The following MCU variants were observed in gnomAD, a reference collection of about 807,000 sequenced individuals.
MCU encodes the protein calcium uniporter protein, mitochondrial.
Under a neutral mutation model 45.2 loss-of-function variants are expected in MCU, and 12 were observed. That is an observed-to-expected ratio of 0.27 (90% CI 0.17 to 0.43). The LOEUF is 0.43. Ranked by LOEUF, MCU falls within the 20% of genes least tolerant of loss-of-function variation. The pLI, the probability that MCU is intolerant of heterozygous loss-of-function variation, is 1.00. For missense variants in MCU, 324 were observed against 436.7 expected (o/e 0.74, Z 2.30); for synonymous variants, 160 against 165.1 (o/e 0.97, Z 0.24).
rs1400236438 is a variant in MCU at position 72,870,627 on chromosome 10, A to G, written c.658-750A>G. 2.0e-5 allele frequency among the ~76,000 whole-genome samples: 3 copies of G among 152,274 alleles called. No homozygotes were observed. In the South Asian group the frequency reaches 6.2e-4, roughly 32 times the overall value. On this transcript the variant is annotated intron_variant, in intron 5 of 7. Coordinates refer to ENST00000373053, the MANE Select transcript of MCU (RefSeq NM_138357.3). Reference sequence around the variant, plus strand: ...AATCTTTGGAACAACTCTTTAATGAAGTTAATGGTGATTTGCAGATCATCG... The same window carrying G: ...AATCTTTGGAACAACTCTTTAATGAGGTTAATGGTGATTTGCAGATCATCG...
At chr10:72,831,512 G>GTT (rs1844878855) in intron 1 of MCU, among the ~76,000 whole-genome samples, 1 of 151,960 alleles carries the variant, frequency 6.6e-6, no homozygotes, top group Non-Finnish European at 1.5e-5. Context: ...GTTTTGTTTT[G>GTT]TTTTGTTTTT....
chr10:72,774,166 A>G (rs1419967441), intron 1 of MCU, among the ~76,000 whole-genome samples: 1 of 152,210 alleles, frequency 6.6e-6, no homozygotes, highest in African/African-American at 2.4e-5. Flanking sequence ...GAAGCCCAAA[A>G]TCACATCTAT....
chr10:72,765,786 CAAAAAAAA>C (rs36071651), intron 1 of MCU, among the ~76,000 whole-genome samples: 1 of 63,222 alleles, frequency 1.6e-5, no homozygotes, highest in African/African-American at 4.8e-5. Flanking sequence ...GACGCTGTCT[CAAAAAAAA>C]AAAAAAAAAA....
At chr10:72,721,881 C>T (rs1044913081) in intron 1 of MCU, among the ~76,000 whole-genome samples, 35 of 152,128 alleles carry the variant, frequency 2.3e-4, no homozygotes, top group Admixed American at 1.8e-3. Flanking sequence ...TTGTTTGAAA[C>T]GAAAATATCT....
chr10:72,750,122 A>G (rs908950957), intron 1 of MCU, among the ~76,000 whole-genome samples: 9 of 152,068 alleles, frequency 5.9e-5, no homozygotes, highest in Non-Finnish European at 1.3e-4. Context: ...GGTAGGCTGT[A>G]GGAAGTGAAG....
chr10:72,772,586 A>G (rs1312519730), intron 1 of MCU, among the ~76,000 whole-genome samples: 1 of 152,158 alleles, frequency 6.6e-6, no homozygotes, highest in Non-Finnish European at 1.5e-5. Context: ...AATCCCAGCT[A>G]CTCAGGAGCC....
chr10:72,844,987 A>G (rs1208820494), intron 2 of MCU, among the ~76,000 whole-genome samples: 1 of 152,206 alleles, frequency 6.6e-6, no homozygotes, highest in Non-Finnish European at 1.5e-5. Context: ...GTAAAGCTAT[A>G]TAAAAAACTA....
At chr10:72,713,947 T>TTGTGTGTGTGTGTGTGTG (rs72292523) in intron 1 of MCU, among the ~76,000 whole-genome samples, 3 of 139,016 alleles carry the variant, frequency 2.2e-5, no homozygotes, top group African/African-American at 8.2e-5. Flanking sequence ...CTTTCATCAT[T>TTGTGTGTGTGTGTGTGTG]TGTGTGTGTG....
intron 1 of MCU, among the ~76,000 whole-genome samples, chr10:72,775,311 A>T (rs919293503): frequency 6.6e-6 from 1 of 152,198 alleles, no homozygotes; most frequent in Non-Finnish European, 1.5e-5. Flanking sequence ...CCAATGAAAA[A>T]ATTAGGAAAA....
chr10:72,871,655 A>C, intron 6 of MCU, 75 bp downstream of exon 6: 3 of 1,318,284 alleles, frequency 2.3e-6, no homozygotes, highest in Non-Finnish European at 3.2e-6. Flanking sequence ...CTTTTTTCTC[A>C]TCTTCTAAAG....
chr10:72,836,063 C>T (rs7918183), intron 2 of MCU, among the ~76,000 whole-genome samples: 2,167 of 152,122 alleles, frequency 0.014, 19 homozygotes, highest in Middle Eastern at 0.034. Context: ...CAGCACCACT[C>T]CCAGGTTCTG....
chr10:72,695,968 C>A (rs1842681289), intron 1 of MCU, among the ~76,000 whole-genome samples: 1 of 151,000 alleles, frequency 6.6e-6, no homozygotes, highest in Non-Finnish European at 1.5e-5. Flanking sequence ...TGGAGACCAG[C>A]CTGGCCAACA....
chr10:72,735,432 C>G (rs539186510), intron 1 of MCU, among the ~76,000 whole-genome samples: 1 of 152,064 alleles, frequency 6.6e-6, no homozygotes, highest in East Asian at 1.9e-4. Flanking sequence ...TGAAAAATAC[C>G]TGGAGGGTTT....
intron 1 of MCU, among the ~76,000 whole-genome samples, chr10:72,699,602 T>C (rs1411615589): frequency 1.3e-5 from 2 of 151,744 alleles, no homozygotes; most frequent in African/African-American, 4.8e-5. Flanking sequence ...CTTTTTTTTT[T>C]TTTTTTATTG....
intron 6 of MCU, among the ~76,000 whole-genome samples, chr10:72,880,665 C>T (rs1395942333): frequency 1.3e-5 from 2 of 152,068 alleles, no homozygotes; most frequent in Non-Finnish European, 2.9e-5. Context: ...ATGTAAAAGA[C>T]TAAGAAAAGC....
At chr10:72,751,341 CTTTTTTTTTTTTTTTTT>C (rs71021528) in intron 1 of MCU, among the ~76,000 whole-genome samples, 5 of 44,752 alleles carry the variant, frequency 1.1e-4, no homozygotes, top group East Asian at 5.8e-4. Flanking sequence ...TCTTCTTCTT[CTTTTTTTTTTTTTTTTT>C]TTTTTTTTTT....
intron 2 of MCU, among the ~76,000 whole-genome samples, chr10:72,849,732 T>C (rs1055659477): frequency 2.0e-5 from 3 of 152,072 alleles, no homozygotes; most frequent in African/African-American, 7.2e-5. Context: ...GGAAACTTTT[T>C]ACAAAGGGAG....
intron 1 of MCU, among the ~76,000 whole-genome samples, chr10:72,811,761 T>G (rs542696749): frequency 1.7e-4 from 26 of 152,322 alleles, no homozygotes; most frequent in African/African-American, 6.3e-4. Flanking sequence ...AAATTTCATG[T>G]TAACTAACTT....
intron 6 of MCU, among the ~76,000 whole-genome samples, chr10:72,877,308 A>G (rs1845632472): frequency 6.6e-6 from 1 of 152,222 alleles, no homozygotes; most frequent in Admixed American, 6.5e-5. Context: ...AAAGATTTGA[A>G]TAAACTTAGT....
Sources: allele counts gnomAD v4.1 joint callset (sites outside exome capture counted in the v4.1 genomes callset), GRCh38; gene constraint gnomAD v4.1.1; transcripts MANE v1.5; gene names NCBI Gene and HGNC (gene_info 2026-07-23, HGNC 2026-07-21).